ATP8B1: variants seen among roughly 807,000 people sequenced by gnomAD.
The protein encoded by ATP8B1 is ATPase phospholipid transporting 8B1, also known as phospholipid-transporting ATPase IC.
A neutral mutation model predicts 149.9 loss-of-function variants in ATP8B1; 80 were observed. The observed-to-expected ratio is 0.53, with a 90% CI of 0.45 to 0.64. The LOEUF (loss-of-function observed/expected upper bound fraction) is 0.64, where lower values mean the gene tolerates loss of function less well. Ranked by LOEUF, ATP8B1 falls within the 30% of genes least tolerant of loss-of-function variation. ATP8B1 has a pLI of 0.00. For synonymous variants in ATP8B1, 536 were observed against 562.8 expected (o/e 0.95, Z 0.67); for missense variants, 1,247 against 1,552.6 (o/e 0.80, Z 3.31).
chr18:57,748,179 CTA>C (rs1381550031), intron 1 of ATP8B1, among the ~76,000 whole-genome samples: 2 of 152,174 alleles, frequency 1.3e-5, no homozygotes, highest in East Asian at 1.9e-4. Context: ...AGAGAGCTAA[CTA>C]TGTGTTCTAT....
intron 1 of ATP8B1, among the ~76,000 whole-genome samples, chr18:57,788,287 C>T (rs529731320): frequency 4.6e-5 from 7 of 151,194 alleles, no homozygotes; most frequent in South Asian, 4.2e-4. Flanking sequence ...ATTAACTGGC[C>T]GTGCATGGTG....
chr18:57,661,073 A>G, intron 22 of ATP8B1, 101 bp downstream of exon 22: 1 of 1,447,082 alleles, frequency 6.9e-7, no homozygotes, highest in Non-Finnish European at 9.4e-7. Context: ...ATGAAAACCT[A>G]AGCTGTAAAA....
In ATP8B1 at chr18:57,770,067, A is replaced by ATTT. The variant is rs67664390; in HGVS notation, c.-26+32928_-26+32930dup. On this transcript the variant is annotated intron_variant, in intron 1 of 27. Coordinates refer to ENST00000648908, the MANE Select transcript of ATP8B1 (RefSeq NM_001374385.1). ...CTCATGCTGAGAACTGCTGAACTGC[A>ATTT]TTTTTTTTTTTTTTTTTTTGAGACA... Among the ~76,000 whole-genome samples the ATTT allele has an allele frequency of 5.8e-3, 775 of 134,002 alleles. 10 individuals are homozygous for ATTT. The highest frequency in any genetic ancestry group is 0.019 in the African/African-American group (698 of 35,834). 87.9% of individuals were successfully genotyped at this position (134,002 alleles called of 152,430 possible).
At chr18:57,698,487 G>A (rs924391367) in intron 6 of ATP8B1, among the ~76,000 whole-genome samples, 2 of 152,062 alleles carry the variant, frequency 1.3e-5, no homozygotes, top group African/African-American at 4.8e-5. Context: ...TGGGACTACA[G>A]GCACGTGCCT....
chr18:57,715,200 G>C (rs1229680801), intron 2 of ATP8B1, among the ~76,000 whole-genome samples: 1 of 152,082 alleles, frequency 6.6e-6, no homozygotes, highest in Non-Finnish European at 1.5e-5. Flanking sequence ...TGAAATTCCG[G>C]AGTTGAAAAA....
At chr18:57,684,938 G>A in intron 14 of ATP8B1, 134 bp downstream of exon 14, 2 of 1,131,480 alleles carry the variant, frequency 1.8e-6, no homozygotes, top group South Asian at 2.5e-5. Context: ...GGAACACCAA[G>A]GACTGTGGGC....
intron 23 of ATP8B1, among the ~76,000 whole-genome samples, chr18:57,654,914 C>T (rs972077358): frequency 3.3e-5 from 5 of 149,876 alleles, no homozygotes; most frequent in African/African-American, 4.9e-5. Flanking sequence ...CTCAAACTCC[C>T]GACTTCAGGC....
intron 15 of ATP8B1, among the ~76,000 whole-genome samples, chr18:57,681,229 GTC>G (rs1911951457): frequency 6.6e-6 from 1 of 151,532 alleles, no homozygotes; most frequent in African/African-American, 2.4e-5. Context: ...AATGAGGACA[GTC>G]TCTAGGAGTG....
intron 2 of ATP8B1, among the ~76,000 whole-genome samples, chr18:57,716,363 G>A (rs1321260739): frequency 2.0e-5 from 3 of 151,534 alleles, no homozygotes; most frequent in African/African-American, 7.3e-5. Flanking sequence ...ATATAACATC[G>A]AATGTAAATG....
At chr18:57,791,168 G>A (rs1188539738) in intron 1 of ATP8B1, among the ~76,000 whole-genome samples, 7 of 152,048 alleles carry the variant, frequency 4.6e-5, no homozygotes, top group African/African-American at 1.7e-4. Context: ...TCCAGCCCCT[G>A]GCAACCACTG....
intron 1 of ATP8B1, among the ~76,000 whole-genome samples, chr18:57,785,454 T>C (rs1340349185): frequency 6.6e-6 from 1 of 152,232 alleles, no homozygotes; most frequent in African/African-American, 2.4e-5. Context: ...TATCAAAAGT[T>C]AGTGCAAAAA....
intron 1 of ATP8B1, among the ~76,000 whole-genome samples, chr18:57,751,608 C>G (rs1376473573): frequency 6.6e-6 from 1 of 152,160 alleles, no homozygotes; most frequent in African/African-American, 2.4e-5. Flanking sequence ...TCTTCAAAAT[C>G]TGTTGATAGA....
intron 20 of ATP8B1, among the ~76,000 whole-genome samples, chr18:57,665,531 G>A (rs1910794882): frequency 6.6e-6 from 1 of 151,938 alleles, no homozygotes. Flanking sequence ...AACTCATTAA[G>A]CATTAAGCAT....
chr18:57,719,214 C>A (rs925833562), intron 2 of ATP8B1, among the ~76,000 whole-genome samples: 9 of 152,176 alleles, frequency 5.9e-5, no homozygotes, highest in Non-Finnish European at 1.2e-4. Flanking sequence ...CAACAGCAAA[C>A]AATCTGAAAA....
intron 1 of ATP8B1, among the ~76,000 whole-genome samples, chr18:57,800,701 A>T (rs2123480087): frequency 6.6e-6 from 1 of 152,362 alleles, no homozygotes; most frequent in Non-Finnish European, 1.5e-5. Flanking sequence ...AAAGAGATTG[A>T]TAATATCTTT....
intron 18 of ATP8B1, 101 bp from the exon 19 acceptor site, chr18:57,668,641 T>C (rs572892883): frequency 1.9e-5 from 14 of 723,936 alleles, no homozygotes; most frequent in Non-Finnish European, 3.2e-5. Flanking sequence ...GGGCTAATTA[T>C]ACATCCTGGT....
intron 1 of ATP8B1, among the ~76,000 whole-genome samples, chr18:57,790,403 A>C (rs2080452852): frequency 6.6e-6 from 1 of 152,234 alleles, no homozygotes; most frequent in Middle Eastern, 3.4e-3. Flanking sequence ...CCGCTGCTTA[A>C]AAATGTTAGT....
rs1491183286 is a variant in ATP8B1, at chr18:57,672,932, A to ATG, written c.1820-1353_1820-1352insCA. Among the ~76,000 whole-genome samples the ATG allele has an allele frequency of 9.3e-5, 3 of 32,100 alleles. No homozygotes were observed. In the East Asian group the frequency reaches 4.0e-3, roughly 43 times the overall value. 21.1% of individuals were successfully genotyped at this position (32,100 alleles called of 152,430 possible). A position where few individuals can be genotyped will look rare whatever the true frequency, so the allele number is the denominator to read the frequency against. On this transcript the variant is annotated intron_variant, in intron 16 of 27. Coordinates refer to ENST00000648908, the MANE Select transcript of ATP8B1 (RefSeq NM_001374385.1). ...TATATATATATATATATATATATAT[A>ATG]ACATGTATATACACATATATACATA...
chr18:57,650,006 G>A (rs912638523), intron 27 of ATP8B1, among the ~76,000 whole-genome samples: 4 of 152,024 alleles, frequency 2.6e-5, no homozygotes, highest in African/African-American at 4.8e-5. Flanking sequence ...TCTGTTCCTT[G>A]TAGCTCAAAG....
Sources: allele counts gnomAD v4.1 joint callset (sites outside exome capture counted in the v4.1 genomes callset), GRCh38; gene constraint gnomAD v4.1.1; transcripts MANE v1.5; gene names NCBI Gene and HGNC (gene_info 2026-07-23, HGNC 2026-07-21).